Variants in ZNF804B observed in about 807,000 individuals in gnomAD.
ZNF804B encodes zinc finger protein 804B.
Under a neutral mutation model 101.4 loss-of-function variants are expected in ZNF804B, and 80 were observed. That is an observed-to-expected ratio of 0.79 (90% CI 0.66 to 0.95). ZNF804B has a LOEUF of 0.95. Ranked by LOEUF, ZNF804B falls within the 40% of genes least tolerant of loss-of-function variation. The pLI, the probability that ZNF804B is intolerant of heterozygous loss-of-function variation, is 0.00. For missense variants in ZNF804B, 1,673 were observed against 1,561.9 expected (o/e 1.07, Z -1.20); for synonymous variants, 622 against 558.8 (o/e 1.11, Z -1.59).
At chr7:88,811,082 T>C (rs1790778194) in intron 1 of ZNF804B, among the ~76,000 whole-genome samples, 1 of 151,866 alleles carries the variant, frequency 6.6e-6, no homozygotes, top group African/African-American at 2.4e-5. Context: ...AAAAACAGAC[T>C]AAATAGATAC....
chr7:88,910,515 G>A lies in ZNF804B; in HGVS notation c.108+150431G>A, dbSNP rs931010960. On this transcript the variant is annotated intron_variant, in intron 1 of 3. Transcript: ENST00000333190. Reference sequence around the variant, plus strand: ...TTTAACCATCAAATAATCCTACAATGTCTTAAAAACATGAAAAATTAATTC... The same window carrying A: ...TTTAACCATCAAATAATCCTACAATATCTTAAAAACATGAAAAATTAATTC... 2.0e-5 allele frequency among the ~76,000 whole-genome samples: 3 copies of A among 151,806 alleles called. No homozygotes were observed. In the East Asian group the frequency reaches 5.8e-4, roughly 29 times the overall value.
chr7:88,827,325 A>G, intron 1 of ZNF804B, among the ~76,000 whole-genome samples: 1 of 151,810 alleles, frequency 6.6e-6, no homozygotes, highest in Middle Eastern at 3.4e-3. Flanking sequence ...AGTACTATAA[A>G]ATTTTAAATT....
intron 1 of ZNF804B, among the ~76,000 whole-genome samples, chr7:88,972,383 A>G (rs1169903082): frequency 6.6e-6 from 1 of 151,404 alleles, no homozygotes; most frequent in Non-Finnish European, 1.5e-5. Context: ...ATTATAAATC[A>G]TGTATTTATA....
chr7:89,021,843 T>C (rs992683735), intron 1 of ZNF804B, among the ~76,000 whole-genome samples: 4 of 152,160 alleles, frequency 2.6e-5, no homozygotes, highest in African/African-American at 9.7e-5. Context: ...AGTCTTAAGA[T>C]TGTACCATGT....
intron 1 of ZNF804B, among the ~76,000 whole-genome samples, chr7:88,911,273 CT>C (rs971643618): frequency 2.3e-3 from 354 of 151,736 alleles, no homozygotes; most frequent in Non-Finnish European, 3.8e-3. Context: ...TAAAATGATG[CT>C]TTTTTTAATG....
chr7:88,905,598 A>G (rs1311507278), intron 1 of ZNF804B, among the ~76,000 whole-genome samples: 1 of 152,036 alleles, frequency 6.6e-6, no homozygotes, highest in Non-Finnish European at 1.5e-5. Flanking sequence ...ACCTCAGGTG[A>G]TCTCTCCGCC....
intron 3 of ZNF804B, among the ~76,000 whole-genome samples, chr7:89,330,200 C>T (rs754085609): frequency 5.6e-4 from 85 of 151,552 alleles, no homozygotes; most frequent in Non-Finnish European, 1.1e-3. Context: ...ATTGAGAATG[C>T]AACTGTGGTT....
At chr7:89,049,867 C>T (rs962979348) in intron 1 of ZNF804B, among the ~76,000 whole-genome samples, 6 of 151,948 alleles carry the variant, frequency 3.9e-5, no homozygotes, top group African/African-American at 1.4e-4. Flanking sequence ...CAAAAATTAG[C>T]CATGCATGGT....
rs539812804 is a variant in ZNF804B, at chr7:88,912,402, ATTGT to A, written c.108+152324_108+152327del. On this transcript the variant is annotated intron_variant, in intron 1 of 3. Coordinates refer to ENST00000333190, the MANE Select transcript of ZNF804B (RefSeq NM_181646.5). ...TTCTTAAATTCTTAGGTTTCTTAAC[ATTGT>A]TTGTTGGTGAGCAACATTTTTTAAT... Among the ~76,000 whole-genome samples, 23 of 152,194 alleles carry A rather than the reference ATTGT, an allele frequency of 1.5e-4. 1 individual carries two copies. The highest frequency in any genetic ancestry group is 7.9e-4 in the Admixed American group (12 of 15,280).
At chr7:89,162,132 G>A (rs944130178) in intron 1 of ZNF804B, among the ~76,000 whole-genome samples, 6 of 96,532 alleles carry the variant, frequency 6.2e-5, no homozygotes, top group Non-Finnish European at 1.6e-4. Context: ...TTTCAGGGGC[G>A]GGGGGAAGTC....
At chr7:88,877,618 TC>T (rs1016179697) in intron 1 of ZNF804B, among the ~76,000 whole-genome samples, 8 of 152,056 alleles carry the variant, frequency 5.3e-5, no homozygotes, top group African/African-American at 1.9e-4. Context: ...TTACTTAGCT[TC>T]CCCACCCAGT....
chr7:88,968,091 CTAGA>C (rs1166014332), intron 1 of ZNF804B, among the ~76,000 whole-genome samples: 1 of 151,390 alleles, frequency 6.6e-6, no homozygotes, highest in Non-Finnish European at 1.5e-5. Context: ...AGAGAGTCTT[CTAGA>C]TATTCTTAAA....
At chr7:89,130,821 T>C (rs1790535925) in intron 1 of ZNF804B, among the ~76,000 whole-genome samples, 1 of 151,986 alleles carries the variant, frequency 6.6e-6, no homozygotes, top group Non-Finnish European at 1.5e-5. Flanking sequence ...TATACCAAGG[T>C]AGAGAAGATC....
intron 1 of ZNF804B, among the ~76,000 whole-genome samples, chr7:89,032,664 A>G (rs1788856408): frequency 6.6e-6 from 1 of 152,140 alleles, no homozygotes; most frequent in African/African-American, 2.4e-5. Flanking sequence ...CAGGGGCTTC[A>G]CAAGTTGATC....
chr7:89,245,306 A>G (rs1263820209), intron 2 of ZNF804B, among the ~76,000 whole-genome samples: 1 of 152,208 alleles, frequency 6.6e-6, no homozygotes, highest in Non-Finnish European at 1.5e-5. Context: ...ACATCAATGA[A>G]TAATAAGCTG....
At chr7:88,795,104 C>G (rs1790459047) in intron 1 of ZNF804B, 2 of 543,966 alleles carry the variant, frequency 3.7e-6, no homozygotes, top group East Asian at 6.4e-5. Flanking sequence ...ATAGTAAAAT[C>G]CCAATCTTTT....
chr7:89,203,787 G>A (rs1221508318), intron 1 of ZNF804B, among the ~76,000 whole-genome samples: 1 of 152,086 alleles, frequency 6.6e-6, no homozygotes, highest in African/African-American at 2.4e-5. Flanking sequence ...TTGGTGTTTT[G>A]TAATTCATCT....
chr7:88,923,882 C>G (rs1158220917), intron 1 of ZNF804B, among the ~76,000 whole-genome samples: 2 of 151,952 alleles, frequency 1.3e-5, no homozygotes, highest in African/African-American at 4.8e-5. Context: ...CCCTACAGGT[C>G]AATAGAAATA....
At chr7:88,877,981 A>G (rs1258354216) in intron 1 of ZNF804B, among the ~76,000 whole-genome samples, 2 of 152,166 alleles carry the variant, frequency 1.3e-5, no homozygotes, top group Non-Finnish European at 2.9e-5. Context: ...AATATGACAG[A>G]AAATACTGAA....
Sources: allele counts gnomAD v4.1 joint callset (sites outside exome capture counted in the v4.1 genomes callset), GRCh38; gene constraint gnomAD v4.1.1; transcripts MANE v1.5; gene names NCBI Gene and HGNC (gene_info 2026-07-23, HGNC 2026-07-21).